GPBP1L1: variants seen among roughly 807,000 people sequenced by gnomAD.
GPBP1L1 encodes vasculin-like protein 1.
Under a neutral mutation model 52.5 loss-of-function variants are expected in GPBP1L1, and 23 were observed. The observed-to-expected ratio is 0.44, with a 90% CI of 0.32 to 0.62. GPBP1L1 has a LOEUF of 0.62. Among genes scored for constraint, GPBP1L1 ranks in the 20% least tolerant of loss-of-function variants. GPBP1L1 has a pLI of 0.06. For missense variants in GPBP1L1, 596 were observed against 579.3 expected, an observed-to-expected ratio of 1.03 and a Z score of -0.30; for synonymous variants, 243 against 203.1, an observed-to-expected ratio of 1.20 and a Z score of -1.67.
chr1:45,629,681 G>T lies in GPBP1L1; in HGVS notation c.1170-3C>A. On this transcript the variant is annotated splice_polypyrimidine_tract_variant and splice_region_variant and intron_variant, in intron 11 of 12. Transcript: ENST00000355105. ...GCCAACCCATAGCTTTCAATAACCT[G>T]GTGGACGCAGAAGGACAGGTAAAGA... 6.4e-7 allele frequency: 1 copy of T among 1,573,172 alleles called. No individual in the cohort carries two copies. Among genetic ancestry groups the T allele is most frequent in the Non-Finnish European group, 8.8e-7 (1 of 1,142,708 alleles).
At chr1:45,654,884 C>T (rs1644865662) in intron 5 of GPBP1L1, 55 bp from the exon 6 acceptor site, 11 of 1,538,166 alleles carry the variant, frequency 7.2e-6, no homozygotes, top group East Asian at 2.3e-5. Flanking sequence ...ATTTGGTTTA[C>T]GGTATTGGCC....
intron 2 of GPBP1L1, among the ~76,000 whole-genome samples, chr1:45,677,679 C>T (rs762186841): frequency 2.0e-5 from 3 of 152,244 alleles, no homozygotes; most frequent in South Asian, 4.1e-4. Flanking sequence ...GATTTCTGTA[C>T]CCATAAGAGG....
chr1:45,680,908 G>GA (rs952394447), intron 2 of GPBP1L1, among the ~76,000 whole-genome samples: 4 of 151,978 alleles, frequency 2.6e-5, no homozygotes, highest in Non-Finnish European at 4.4e-5. Flanking sequence ...AGAAAATAGG[G>GA]AAAAAAATTC....
At chr1:45,628,763 A>C (rs1363568786) in intron 12 of GPBP1L1, among the ~76,000 whole-genome samples, 1 of 152,176 alleles carries the variant, frequency 6.6e-6, no homozygotes, top group African/African-American at 2.4e-5. Flanking sequence ...TCCTGGGTTC[A>C]AGCGATTCTC....
At chr1:45,681,657 G>A (rs1197587668) in intron 2 of GPBP1L1, among the ~76,000 whole-genome samples, 3 of 152,116 alleles carry the variant, frequency 2.0e-5, no homozygotes, top group African/African-American at 7.2e-5. Flanking sequence ...AGTTCTTACC[G>A]TCAGACATTA....
chr1:45,645,757 C>T (rs1644735454), intron 6 of GPBP1L1: 1 of 350,396 alleles, frequency 2.9e-6, no homozygotes, highest in Non-Finnish European at 5.3e-6. Context: ...AACGATATTC[C>T]GAAGTTTTTT....
At chr1:45,659,234 C>T (rs1644918907) in intron 3 of GPBP1L1, 92 bp from the exon 4 acceptor site, 3 of 734,156 alleles carry the variant, frequency 4.1e-6, no homozygotes, top group South Asian at 1.8e-5. Context: ...TTCCTCTTTA[C>T]AGAAAGACCT....
At chr1:45,634,290 A>G in intron 8 of GPBP1L1, 54 bp from the exon 9 acceptor site, 1 of 1,503,786 alleles carries the variant, frequency 6.6e-7, no homozygotes, top group Non-Finnish European at 9.0e-7. Context: ...ACAGAAGCTC[A>G]GCTTATAAAA....
At chr1:45,682,378 C>G (rs1645221996) in intron 2 of GPBP1L1, among the ~76,000 whole-genome samples, 1 of 152,138 alleles carries the variant, frequency 6.6e-6, no homozygotes, top group Non-Finnish European at 1.5e-5. Flanking sequence ...ACAAATAGAC[C>G]TACTGCTCAG....
intron 1 of GPBP1L1, among the ~76,000 whole-genome samples, chr1:45,686,195 G>A (rs972072860): frequency 6.6e-6 from 1 of 152,228 alleles, no homozygotes; most frequent in Non-Finnish European, 1.5e-5. Context: ...ACGCTCGCGT[G>A]CAAAGCTCCA....
intron 2 of GPBP1L1, among the ~76,000 whole-genome samples, chr1:45,669,802 A>G (rs1012843204): frequency 1.3e-5 from 2 of 152,254 alleles, no homozygotes; most frequent in Admixed American, 6.5e-5. Flanking sequence ...ACAAGGATTC[A>G]AAGAACTGAG....
At chr1:45,651,770 G>T in intron 6 of GPBP1L1, 1 of 319,988 alleles carries the variant, frequency 3.1e-6, no homozygotes, top group South Asian at 6.1e-5. Flanking sequence ...TCTGCTTCTT[G>T]ACGACAGCAG....
At chr1:45,667,219 T>C (rs1008827945) in intron 2 of GPBP1L1, among the ~76,000 whole-genome samples, 2 of 152,152 alleles carry the variant, frequency 1.3e-5, no homozygotes, top group African/African-American at 4.8e-5. Flanking sequence ...ACTAAAAAAA[T>C]TATAATAAAG....
intron 5 of GPBP1L1, 104 bp from the exon 6 acceptor site, chr1:45,654,933 C>T: frequency 1.7e-6 from 2 of 1,184,348 alleles, no homozygotes; most frequent in East Asian, 2.6e-5. Context: ...AAAGTCCACA[C>T]AAAAAAAATA....
At chr1:45,661,690 T>G (rs972955049) in intron 2 of GPBP1L1, among the ~76,000 whole-genome samples, 4 of 152,096 alleles carry the variant, frequency 2.6e-5, no homozygotes, top group African/African-American at 9.7e-5. Flanking sequence ...CTCGACTTTG[T>G]GATCCGCCCA....
At chr1:45,679,311 A>C (rs983544312) in intron 2 of GPBP1L1, among the ~76,000 whole-genome samples, 2 of 152,200 alleles carry the variant, frequency 1.3e-5, no homozygotes, top group Non-Finnish European at 2.9e-5. Flanking sequence ...ACCCCTGCCA[A>C]GGTCATGCCA....
chr1:45,653,211 A>C (rs983248624), intron 6 of GPBP1L1, among the ~76,000 whole-genome samples: 1 of 152,186 alleles, frequency 6.6e-6, no homozygotes. Flanking sequence ...TGAAATGGCT[A>C]TAACAGAAGC....
In GPBP1L1 at chr1:45,629,454, T is replaced by TTCCC. The variant is rs758811981; in HGVS notation, c.1272+121_1272+122insGGGA. The TTCCC allele has an allele frequency of 1.9e-3, 226 of 117,582 alleles. 24 individuals carry two copies. Among genetic ancestry groups the TTCCC allele is most frequent in the African/African-American group, 4.8e-3 (94 of 19,556 alleles). 7.3% of individuals were successfully genotyped at this position (117,582 alleles called of 1,614,324 possible). A position where few individuals can be genotyped will look rare whatever the true frequency, so the allele number is the denominator to read the frequency against. ...CCCCACTACATTTCTACTAAGGTAA[T>TTCCC]CCCCCCCCCCCCCACCCGATCTTTC... On this transcript the variant is annotated intron_variant, in intron 12 of 12. Transcript: ENST00000355105.
rs555319907 is a variant in GPBP1L1, at chr1:45,631,451, C to T, written c.1045-845G>A. Among the ~76,000 whole-genome samples the T allele has an allele frequency of 2.0e-4, 31 of 152,088 alleles. No homozygotes were observed. In the South Asian group the frequency reaches 6.0e-3, roughly 30 times the overall value. On this transcript the variant is annotated intron_variant, in intron 10 of 12. Coordinates refer to ENST00000355105, the MANE Select transcript of GPBP1L1 (RefSeq NM_021639.5). Reference sequence around the variant, plus strand: ...CTAATTTTTCTGTTTTTAGTAGGAACGGGGTTTCGCCAGGTTGGCCAGGCT... The same window carrying T: ...CTAATTTTTCTGTTTTTAGTAGGAATGGGGTTTCGCCAGGTTGGCCAGGCT...
Sources: gnomAD v4.1 joint callset for allele counts (sites outside exome capture counted in the v4.1 genomes callset) on GRCh38, gnomAD v4.1.1 for gene constraint, MANE v1.5 for transcripts, NCBI Gene and HGNC (gene_info 2026-07-23, HGNC 2026-07-21) for gene names.